MTCL2: variants seen among roughly 807,000 people sequenced by gnomAD.
The protein encoded by MTCL2 is microtubule cross-linking factor 2.
chr20:36,834,994 T>TA, the MTCL2 span, among the ~76,000 whole-genome samples: 2,704 of 145,488 alleles, frequency 0.019, 52 homozygotes, highest in African/African-American at 0.049. Flanking sequence ...GACCCTGCCT[T>TA]AAAAAAAAAA....
chr20:36,788,633 G>A, the MTCL2 span, among the ~76,000 whole-genome samples: 5 of 151,960 alleles, frequency 3.3e-5, 1 homozygote, highest in South Asian at 1.0e-3. Flanking sequence ...GCGAGACTCC[G>A]TCTCAAAAAT....
chr20:36,809,277 A>G, the MTCL2 span, among the ~76,000 whole-genome samples: 1 of 152,238 alleles, frequency 6.6e-6, no homozygotes, highest in African/African-American at 2.4e-5. Context: ...AATGGTGATA[A>G]GGGAGGGCAC....
At chr20:36,844,093 G>A in the MTCL2 span, among the ~76,000 whole-genome samples, 6 of 151,834 alleles carry the variant, frequency 4.0e-5, no homozygotes, top group Non-Finnish European at 5.9e-5. Flanking sequence ...AGAATTAGCC[G>A]GGCGTGGTGG....
chr20:36,862,633 T>A, the MTCL2 span: 1 of 1,482,948 alleles, frequency 6.7e-7, no homozygotes, highest in Non-Finnish European at 8.9e-7. Flanking sequence ...CCCTGCGACC[T>A]CCCTTTCTAC....
At chr20:36,809,023 G>T in the MTCL2 span, among the ~76,000 whole-genome samples, 1 of 152,200 alleles carries the variant, frequency 6.6e-6, no homozygotes, top group African/African-American at 2.4e-5. Context: ...TGTCTCACAC[G>T]AATGCTCATG....
the MTCL2 span, chr20:36,808,796 C>T: frequency 6.7e-7 from 1 of 1,486,984 alleles, no homozygotes; most frequent in Non-Finnish European, 9.0e-7. Flanking sequence ...TCTCCCCCAC[C>T]CCTTTCTGGG....
chr20:36,796,352 T>C, the MTCL2 span, among the ~76,000 whole-genome samples: 7 of 152,208 alleles, frequency 4.6e-5, no homozygotes, highest in Non-Finnish European at 1.0e-4. Flanking sequence ...CTCCACAGCC[T>C]GTCCCGCCTG....
the MTCL2 span, among the ~76,000 whole-genome samples, chr20:36,820,097 C>T: frequency 6.6e-6 from 1 of 152,244 alleles, no homozygotes; most frequent in African/African-American, 2.4e-5. Context: ...CTATTACAAG[C>T]TGAGTGGGAA....
At chr20:36,847,144 T>C in the MTCL2 span, among the ~76,000 whole-genome samples, 382 of 152,312 alleles carry the variant, frequency 2.5e-3, 1 homozygote, top group African/African-American at 8.4e-3. Flanking sequence ...ACGTTCCTGT[T>C]TTGCAGATGA....
At chr20:36,777,794 G>A in the MTCL2 span, 1 of 612,726 alleles carries the variant, frequency 1.6e-6, no homozygotes, top group South Asian at 2.0e-5. Flanking sequence ...GGCGGGGGCT[G>A]GGGAGGGGCC....
the MTCL2 span, among the ~76,000 whole-genome samples, chr20:36,810,717 C>CCTCTCTCTCTCTCTCTCTCTCTCTCT: frequency 2.8e-4 from 26 of 94,260 alleles, 1 homozygote; most frequent in Non-Finnish European, 4.0e-4. Flanking sequence ...TCTCTCTCTC[C>CCTCTCTCTCTCTCTCTCTCTCTCTCT]CTCTCTCTCT....
chr20:36,852,930 G>C, the MTCL2 span, among the ~76,000 whole-genome samples: 2 of 152,002 alleles, frequency 1.3e-5, no homozygotes, highest in African/African-American at 4.8e-5. Flanking sequence ...GATGGCACAT[G>C]CCTGTAGTCC....
At chr20:36,857,425 G>A in the MTCL2 span, among the ~76,000 whole-genome samples, 16 of 152,212 alleles carry the variant, frequency 1.1e-4, no homozygotes, top group Middle Eastern at 3.4e-3. Context: ...GTCTGGAGGC[G>A]TGCTTCTGAA....
chr20:36,816,943 G>A, the MTCL2 span, among the ~76,000 whole-genome samples: 1 of 152,092 alleles, frequency 6.6e-6, no homozygotes, highest in South Asian at 2.1e-4. Flanking sequence ...ATGTGGTTTT[G>A]GGAAATAAAG....
At chr20:36,847,734 G>A in the MTCL2 span, among the ~76,000 whole-genome samples, 2 of 151,682 alleles carry the variant, frequency 1.3e-5, no homozygotes, top group African/African-American at 4.8e-5. Context: ...TACACCTGTA[G>A]CCTCAGATAC....
the MTCL2 span, among the ~76,000 whole-genome samples, chr20:36,858,944 C>A: frequency 6.6e-6 from 1 of 152,142 alleles, no homozygotes; most frequent in Non-Finnish European, 1.5e-5. Context: ...GCGCCCACGA[C>A]CACGCCTGGG....
the MTCL2 span, among the ~76,000 whole-genome samples, chr20:36,838,651 G>T: frequency 6.6e-6 from 1 of 152,010 alleles, no homozygotes; most frequent in Non-Finnish European, 1.5e-5. Flanking sequence ...GCTAGCACCA[G>T]GTGGTGGTTG....
At chr20:36,802,827 G>A in the MTCL2 span, 1 of 1,572,980 alleles carries the variant, frequency 6.4e-7, no homozygotes, top group Non-Finnish European at 8.7e-7. Flanking sequence ...CCTTGCGGGT[G>A]GAAGCGGCTT....
the MTCL2 span, among the ~76,000 whole-genome samples, chr20:36,844,739 G>A: frequency 6.6e-6 from 1 of 151,838 alleles, no homozygotes; most frequent in South Asian, 2.1e-4. Context: ...GAGAAAACAG[G>A]CCAGGTGCAG....
Sources: allele counts gnomAD v4.1 joint callset (sites outside exome capture counted in the v4.1 genomes callset), GRCh38; gene constraint gnomAD v4.1.1; transcripts MANE v1.5; gene names NCBI Gene and HGNC (gene_info 2026-07-23, HGNC 2026-07-21).